The following CTNND2 variants were observed in gnomAD, a reference collection of about 807,000 sequenced individuals.
The protein encoded by CTNND2 is catenin delta 2, also known as catenin delta-2.
CTNND2 carries 22 observed loss-of-function variants against 144.4 expected under a neutral mutation model. The ratio of observed to expected loss-of-function variants is 0.15; its 90% CI spans 0.11 to 0.22. The LOEUF is 0.22. Among genes scored for constraint, CTNND2 ranks in the 10% least tolerant of loss-of-function variants. CTNND2 has a pLI of 1.00. For missense variants in CTNND2, 1,353 were observed against 1,618.8 expected (o/e 0.84, Z 2.82); for synonymous variants, 751 against 695.6 (o/e 1.08, Z -1.25).
At chr5:11,503,871 T>C (rs1208899133) in intron 3 of CTNND2, among the ~76,000 whole-genome samples, 3 of 152,226 alleles carry the variant, frequency 2.0e-5, no homozygotes, top group Non-Finnish European at 4.4e-5. Flanking sequence ...TAAACCTAAG[T>C]ATGTTTTCCT....
At chr5:11,638,019 G>A (rs1781803928) in intron 2 of CTNND2, among the ~76,000 whole-genome samples, 1 of 152,280 alleles carries the variant, frequency 6.6e-6, no homozygotes. Context: ...AAAGATAACA[G>A]CCTCTCTTTT....
At chr5:11,777,951 A>G (rs1352769876) in intron 1 of CTNND2, among the ~76,000 whole-genome samples, 1 of 152,188 alleles carries the variant, frequency 6.6e-6, no homozygotes, top group East Asian at 1.9e-4. Flanking sequence ...GTCCCAGAAT[A>G]AAAGATTTTT....
chr5:11,501,675 T>C (rs1362794252), intron 3 of CTNND2, among the ~76,000 whole-genome samples: 4 of 152,084 alleles, frequency 2.6e-5, no homozygotes, highest in Admixed American at 6.6e-5. Context: ...AATTAGGTCA[T>C]GAGGATGGAG....
intron 9 of CTNND2, among the ~76,000 whole-genome samples, chr5:11,291,634 C>T (rs1477246899): frequency 5.9e-5 from 9 of 152,028 alleles, no homozygotes; most frequent in Non-Finnish European, 8.8e-5. Context: ...TCTCTGGTAC[C>T]GCCCTATCTC....
chr5:11,115,097 C>T (rs1753412203), intron 13 of CTNND2, among the ~76,000 whole-genome samples: 1 of 152,206 alleles, frequency 6.6e-6, no homozygotes, highest in African/African-American at 2.4e-5. Flanking sequence ...GCTCAGGGCT[C>T]TTCTTACTCC....
chr5:11,621,658 T>C (rs1780848502), intron 2 of CTNND2, among the ~76,000 whole-genome samples: 1 of 152,202 alleles, frequency 6.6e-6, no homozygotes, highest in African/African-American at 2.4e-5. Flanking sequence ...TATATCAAAA[T>C]GCACTTAGCT....
At chr5:11,500,605 A>G (rs1158586120) in intron 3 of CTNND2, among the ~76,000 whole-genome samples, 1 of 152,242 alleles carries the variant, frequency 6.6e-6, no homozygotes, top group Non-Finnish European at 1.5e-5. Context: ...ACAACTTAGG[A>G]AGGCAAAATC....
At chr5:11,679,792 C>T (rs1043383424) in intron 2 of CTNND2, among the ~76,000 whole-genome samples, 2 of 152,178 alleles carry the variant, frequency 1.3e-5, no homozygotes, top group African/African-American at 4.8e-5. Context: ...ATATTAGTAA[C>T]GTATCCTGTT....
intron 3 of CTNND2, among the ~76,000 whole-genome samples, chr5:11,538,564 T>C (rs111849975): frequency 2.6e-5 from 4 of 152,334 alleles, no homozygotes; most frequent in African/African-American, 9.6e-5. Flanking sequence ...CTTCTGCTAT[T>C]TTCATAACAC....
At chr5:11,341,612 C>A (rs890901484) in intron 9 of CTNND2, among the ~76,000 whole-genome samples, 14 of 152,212 alleles carry the variant, frequency 9.2e-5, no homozygotes, top group Non-Finnish European at 1.9e-4. Flanking sequence ...TGGTTTACTG[C>A]AAACATTTCA....
At chr5:11,143,571 C>T (rs1037137226) in intron 12 of CTNND2, among the ~76,000 whole-genome samples, 6 of 152,178 alleles carry the variant, frequency 3.9e-5, no homozygotes, top group African/African-American at 1.4e-4. Context: ...TTGTAATGAT[C>T]AGTCACATTG....
At chr5:11,020,895 G>T (rs1742182183) in intron 17 of CTNND2, among the ~76,000 whole-genome samples, 1 of 152,082 alleles carries the variant, frequency 6.6e-6, no homozygotes, top group Non-Finnish European at 1.5e-5. Context: ...GGAACAACAA[G>T]ACAGAATGAG....
chr5:11,537,904 A>AT (rs1474234489), intron 3 of CTNND2, among the ~76,000 whole-genome samples: 1 of 152,222 alleles, frequency 6.6e-6, no homozygotes, highest in Non-Finnish European at 1.5e-5. Context: ...GAATGGACTC[A>AT]TAAGTGCTGC....
chr5:11,253,626 A>C (rs773036054), intron 9 of CTNND2, among the ~76,000 whole-genome samples: 1 of 152,198 alleles, frequency 6.6e-6, no homozygotes, highest in African/African-American at 2.4e-5. Flanking sequence ...TAAATTACCC[A>C]GTCTTGGGTA....
intron 3 of CTNND2, among the ~76,000 whole-genome samples, chr5:11,502,328 AC>A (rs376346589): frequency 1.8e-4 from 28 of 152,270 alleles, no homozygotes; most frequent in African/African-American, 6.7e-4. Context: ...ACAAACTGTT[AC>A]CTTTCTTCAT....
At chr5:11,035,181 T>C (rs565626069) in intron 16 of CTNND2, among the ~76,000 whole-genome samples, 1 of 152,136 alleles carries the variant, frequency 6.6e-6, no homozygotes, top group East Asian at 1.9e-4. Context: ...TAAAACTAGA[T>C]ACATTTATTA....
chr5:11,420,529 C>A (rs1359880014), intron 3 of CTNND2, among the ~76,000 whole-genome samples: 1 of 152,160 alleles, frequency 6.6e-6, no homozygotes, highest in East Asian at 1.9e-4. Flanking sequence ...GAAAGTGTAA[C>A]ATATTTAGTT....
intron 2 of CTNND2, among the ~76,000 whole-genome samples, chr5:11,595,413 G>A: frequency 6.6e-6 from 1 of 152,166 alleles, no homozygotes; most frequent in East Asian, 1.9e-4. Context: ...CCTGAATCCA[G>A]TGTAAATTCG....
At chr5:11,551,103 G>A (rs910494302) in intron 3 of CTNND2, among the ~76,000 whole-genome samples, 2 of 152,042 alleles carry the variant, frequency 1.3e-5, no homozygotes, top group Non-Finnish European at 2.9e-5. Context: ...ACACTCTATT[G>A]CCTACTCAGC....
Sources: allele counts gnomAD v4.1 joint callset (sites outside exome capture counted in the v4.1 genomes callset), GRCh38; gene constraint gnomAD v4.1.1; transcripts MANE v1.5; gene names NCBI Gene and HGNC (gene_info 2026-07-23, HGNC 2026-07-21).